The following TSHZ3 variants were observed in gnomAD, a reference collection of about 807,000 sequenced individuals.
TSHZ3 encodes the protein teashirt homolog 3.
In TSHZ3, 10 loss-of-function variants were observed where a neutral mutation model predicts 64.5. The ratio of observed to expected loss-of-function variants is 0.16; its 90% confidence interval spans 0.10 to 0.26. The LOEUF (loss-of-function observed/expected upper bound fraction) is 0.26. Among genes scored for constraint, TSHZ3 ranks in the 10% least tolerant of loss-of-function variants. TSHZ3 has a pLI of 1.00. For missense variants in TSHZ3, 1,242 were observed against 1,421.7 expected (o/e 0.87, Z 2.03); for synonymous variants, 608 against 593.1 (o/e 1.03, Z -0.36).
chr19:31,228,345 G>A (rs1232578467), intron 3 of TSHZ3, among the ~76,000 whole-genome samples: 1 of 151,974 alleles, frequency 6.6e-6, no homozygotes, highest in African/African-American at 2.4e-5. Context: ...GGGCAACATA[G>A]TGAAACCCTA....
chr19:31,322,418 T>G (rs1916799689), intron 1 of TSHZ3, among the ~76,000 whole-genome samples: 1 of 150,016 alleles, frequency 6.7e-6, no homozygotes, highest in Middle Eastern at 3.8e-3. Flanking sequence ...GTGCCTAGCC[T>G]TATGTATGTA....
chr19:31,190,268 T>C (rs76444200), intron 5 of TSHZ3, among the ~76,000 whole-genome samples: 2,214 of 152,238 alleles, frequency 0.015, 46 homozygotes, highest in African/African-American at 0.051. Context: ...AAGACAGGCA[T>C]GCACATGGTA....
chr19:31,259,311 A>T (rs1046842789), intron 1 of TSHZ3, among the ~76,000 whole-genome samples: 3 of 152,236 alleles, frequency 2.0e-5, no homozygotes, highest in African/African-American at 7.2e-5. Context: ...AAATTATATT[A>T]GCGCAATTGC....
chr19:31,160,967 T>G (rs1276703103), intron 5 of TSHZ3, among the ~76,000 whole-genome samples: 1 of 152,242 alleles, frequency 6.6e-6, no homozygotes, highest in Non-Finnish European at 1.5e-5. Context: ...TTTCCTTGTC[T>G]TTCTCACTTA....
At chr19:31,247,933 A>T (rs1205863044) in intron 1 of TSHZ3, among the ~76,000 whole-genome samples, 2 of 152,150 alleles carry the variant, frequency 1.3e-5, no homozygotes, top group East Asian at 3.9e-4. Context: ...GAGATTGGGT[A>T]ATTTATAAAG....
intron 1 of TSHZ3, among the ~76,000 whole-genome samples, chr19:31,264,560 T>C (rs1163224514): frequency 6.6e-6 from 1 of 152,146 alleles, no homozygotes; most frequent in Non-Finnish European, 1.5e-5. Context: ...AGAGAGCGGA[T>C]GTCCTGTCTA....
At chr19:31,252,869 T>G (rs1975860469) in intron 1 of TSHZ3, among the ~76,000 whole-genome samples, 1 of 152,222 alleles carries the variant, frequency 6.6e-6, no homozygotes, top group African/African-American at 2.4e-5. Flanking sequence ...GGGCATATCT[T>G]TTTGGAGACC....
At chr19:31,168,075 T>C (rs1301496590) in intron 5 of TSHZ3, among the ~76,000 whole-genome samples, 1 of 152,240 alleles carries the variant, frequency 6.6e-6, no homozygotes, top group African/African-American at 2.4e-5. Context: ...AGATCAGAGA[T>C]AGATGCCACC....
chr19:31,339,842 C>G (rs116741638), intron 1 of TSHZ3, among the ~76,000 whole-genome samples: 2,217 of 151,274 alleles, frequency 0.015, 68 homozygotes, highest in African/African-American at 0.052. Context: ...CTGCAAAAGG[C>G]CACGCACGTG....
chr19:31,186,510 A>G (rs150423682), intron 5 of TSHZ3, among the ~76,000 whole-genome samples: 1 of 152,298 alleles, frequency 6.6e-6, no homozygotes, highest in East Asian at 1.9e-4. Flanking sequence ...CATGATTGTC[A>G]AGTTTTCTGG....
chr19:31,299,702 G>T (rs189821084), intron 1 of TSHZ3, among the ~76,000 whole-genome samples: 11 of 152,180 alleles, frequency 7.2e-5, no homozygotes, highest in Non-Finnish European at 7.4e-5. Flanking sequence ...CTCAAACGCT[G>T]CCTTACAGCT....
intron 1 of TSHZ3, among the ~76,000 whole-genome samples, chr19:31,280,005 C>CTCAA (rs1007630667): frequency 6.6e-6 from 1 of 150,794 alleles, no homozygotes; most frequent in African/African-American, 2.4e-5. Context: ...CCTTATTCTT[C>CTCAA]TCAAGGGGCA....
At chr19:31,171,848 C>T (rs1974539207) in intron 5 of TSHZ3, among the ~76,000 whole-genome samples, 1 of 152,138 alleles carries the variant, frequency 6.6e-6, no homozygotes, top group Non-Finnish European at 1.5e-5. Flanking sequence ...CAGGCCTTTC[C>T]CTTTCCCCTC....
intron 4 of TSHZ3, among the ~76,000 whole-genome samples, chr19:31,212,815 T>C (rs1207147454): frequency 6.6e-6 from 1 of 152,164 alleles, no homozygotes; most frequent in Non-Finnish European, 1.5e-5. Context: ...TATGGCAGGT[T>C]TATTCATAAG....
chr19:31,205,255 C>T (rs534426096), intron 4 of TSHZ3, among the ~76,000 whole-genome samples: 8 of 152,244 alleles, frequency 5.3e-5, no homozygotes, highest in East Asian at 1.9e-4. Flanking sequence ...CCTAAGCCTG[C>T]GATACCACAA....
At chr19:31,272,776 T>C (rs1469165537), downstream of TSHZ3, among the ~76,000 whole-genome samples, 1 of 152,228 alleles carries the variant, frequency 6.6e-6, no homozygotes, top group African/African-American at 2.4e-5. Context: ...TATTTTAAGA[T>C]ACTGCGTACA....
chr19:31,285,612 G>C (rs191846212), intron 1 of TSHZ3, among the ~76,000 whole-genome samples: 1 of 150,532 alleles, frequency 6.6e-6, no homozygotes, highest in Non-Finnish European at 1.5e-5. Context: ...GTGAAACTCC[G>C]TCTCTACTAA....
At chr19:31,319,242 G>A (rs964358921) in intron 1 of TSHZ3, among the ~76,000 whole-genome samples, 2 of 152,188 alleles carry the variant, frequency 1.3e-5, no homozygotes, top group African/African-American at 4.8e-5. Flanking sequence ...CTGCCAAGAC[G>A]GCTGGCTCAG....
intron 3 of TSHZ3, among the ~76,000 whole-genome samples, chr19:31,233,523 C>A (rs75936600): frequency 0.031 from 4,742 of 152,202 alleles, 116 homozygotes; most frequent in Non-Finnish European, 0.045. Flanking sequence ...AATACTGTCT[C>A]CCAGTCTGTG....
Sources: allele counts gnomAD v4.1 joint callset (sites outside exome capture counted in the v4.1 genomes callset), GRCh38; gene constraint gnomAD v4.1.1; transcripts MANE v1.5; gene names NCBI Gene and HGNC (gene_info 2026-07-23, HGNC 2026-07-21).